Variants in LARS2 observed in about 807,000 individuals in gnomAD.
LARS2 encodes leucyl-tRNA synthetase 2, mitochondrial.
Under a neutral mutation model 116.6 loss-of-function variants are expected in LARS2, and 81 were observed. The observed-to-expected ratio is 0.69, with a 90% CI of 0.58 to 0.84. The LOEUF is 0.84. Among genes scored for constraint, LARS2 ranks in the 40% least tolerant of loss-of-function variants. The pLI, the probability that LARS2 is intolerant of heterozygous loss-of-function variation, is 0.00. For synonymous variants in LARS2, 396 were observed against 407.2 expected (o/e 0.97, Z 0.33); for missense variants, 968 against 1,114.5 (o/e 0.87, Z 1.87).
chr3:45,480,191 T>TCTGGAATAAACAAAAAAAAAC (rs1699674664), intron 10 of LARS2, among the ~76,000 whole-genome samples: 1 of 152,092 alleles, frequency 6.6e-6, no homozygotes, highest in East Asian at 1.9e-4. Context: ...GCTCAAAAAA[T>TCTGGAATAAACAAAAAAAAAC]CTGGAATAAA....
At chr3:45,547,311 GA>G (rs1249747584) in intron 21 of LARS2, 39 bp from the exon 22 acceptor site, 1 of 1,564,154 alleles carries the variant, frequency 6.4e-7, no homozygotes, top group African/African-American at 1.4e-5. Flanking sequence ...CCACTCTGAG[GA>G]TGTTCCTCAT....
At chr3:45,533,222 C>T (rs923059362) in intron 20 of LARS2, among the ~76,000 whole-genome samples, 6 of 127,890 alleles carry the variant, frequency 4.7e-5, no homozygotes, top group African/African-American at 1.8e-4. Flanking sequence ...GCGATCTCGG[C>T]TCACTGCAAG....
At chr3:45,520,337 G>C in intron 19 of LARS2, 41 bp downstream of exon 19, 1 of 1,534,772 alleles carries the variant, frequency 6.5e-7, no homozygotes, top group South Asian at 1.1e-5. Flanking sequence ...AGAGGAGGGA[G>C]GGAGAGGTGT....
intron 15 of LARS2, among the ~76,000 whole-genome samples, chr3:45,504,414 C>T (rs1419444477): frequency 2.0e-5 from 3 of 152,016 alleles, no homozygotes; most frequent in African/African-American, 7.2e-5. Context: ...TCTGCACATG[C>T]ATGCATGGAT....
At chr3:45,467,758 G>A (rs905070837) in intron 8 of LARS2, among the ~76,000 whole-genome samples, 5 of 152,168 alleles carry the variant, frequency 3.3e-5, no homozygotes, top group African/African-American at 1.2e-4. Context: ...TTGACCAATT[G>A]TGGGTAATTG....
chr3:45,470,010 G>A (rs755342635), intron 8 of LARS2, among the ~76,000 whole-genome samples: 11 of 152,122 alleles, frequency 7.2e-5, no homozygotes, highest in Non-Finnish European at 1.3e-4. Context: ...TCTCAAATCT[G>A]TGTCCAGCTC....
chr3:45,489,249 G>C (rs1699869989), intron 12 of LARS2, among the ~76,000 whole-genome samples: 1 of 152,136 alleles, frequency 6.6e-6, no homozygotes, highest in South Asian at 2.1e-4. Context: ...TCTCTTGCTA[G>C]CATGAAACAG....
chr3:45,545,219 C>A (rs1700858463), intron 21 of LARS2, among the ~76,000 whole-genome samples: 1 of 152,196 alleles, frequency 6.6e-6, no homozygotes, highest in African/African-American at 2.4e-5. Context: ...GAGAGCTCAG[C>A]AAATGGAAGC....
At chr3:45,518,598 C>T (rs1486683536) in intron 18 of LARS2, among the ~76,000 whole-genome samples, 1 of 152,168 alleles carries the variant, frequency 6.6e-6, no homozygotes, top group Non-Finnish European at 1.5e-5. Flanking sequence ...AATCCCAGTC[C>T]TCCACATAGT....
Position 45,409,477 on chromosome 3 carries a change from G to A in LARS2, c.364-8005G>A, listed in dbSNP as rs958495057. On this transcript the variant is annotated intron_variant, in intron 4 of 21. Transcript: ENST00000645846. The stretch of plus-strand genomic sequence containing the variant: ...GACATGTACAAGGCTGGCAAGGGAA[G>A]CACCTAACCCAGTGTATTTCACGTA... Among the ~76,000 whole-genome samples, 3 of 152,254 alleles carry A rather than the reference G, an allele frequency of 2.0e-5. No individual in the cohort carries two copies. The East Asian group carries it at 5.8e-4, about 29-fold the overall frequency.
At chr3:45,513,330 G>T in intron 16 of LARS2, 95 bp downstream of exon 16, 1 of 846,124 alleles carries the variant, frequency 1.2e-6, no homozygotes, top group Non-Finnish European at 2.0e-6. Flanking sequence ...CCTCTAGAGT[G>T]GGGAGGATGC....
intron 4 of LARS2, among the ~76,000 whole-genome samples, chr3:45,416,845 C>T (rs1324121037): frequency 1.3e-5 from 2 of 152,146 alleles, no homozygotes; most frequent in Non-Finnish European, 2.9e-5. Flanking sequence ...GAGGCCGATG[C>T]GGGCGGATCA....
At chr3:45,398,659 G>T (rs1002205198) in intron 3 of LARS2, among the ~76,000 whole-genome samples, 5 of 152,208 alleles carry the variant, frequency 3.3e-5, no homozygotes, top group African/African-American at 1.2e-4. Flanking sequence ...TTAAACTTGG[G>T]TGTGGGGAAC....
chr3:45,416,662 G>A (rs986246493), intron 4 of LARS2, among the ~76,000 whole-genome samples: 2 of 152,240 alleles, frequency 1.3e-5, no homozygotes, highest in Non-Finnish European at 2.9e-5. Context: ...CTGCACACTT[G>A]AAGGGTGGCT....
intron 19 of LARS2, among the ~76,000 whole-genome samples, 167 bp from the exon 20 acceptor site, chr3:45,523,830 G>A (rs984363738): frequency 3.3e-5 from 5 of 151,792 alleles, no homozygotes; most frequent in African/African-American, 1.2e-4. Flanking sequence ...GTTTATCTCA[G>A]TGCTATCATT....
intron 7 of LARS2, among the ~76,000 whole-genome samples, chr3:45,449,181 A>G (rs929316293): frequency 3.5e-5 from 3 of 84,702 alleles, no homozygotes; most frequent in African/African-American, 1.3e-4. Flanking sequence ...TTTTTTTTTG[A>G]GACAGAGTCT....
chr3:45,478,471 G>A (rs1446036360), intron 10 of LARS2, among the ~76,000 whole-genome samples: 1 of 152,150 alleles, frequency 6.6e-6, no homozygotes, highest in African/African-American at 2.4e-5. Context: ...TGAGATGAAA[G>A]GCACTGTATA....
chr3:45,430,213 C>T (rs1302342852), intron 6 of LARS2, among the ~76,000 whole-genome samples: 1 of 149,220 alleles, frequency 6.7e-6, no homozygotes, highest in Admixed American at 6.7e-5. Flanking sequence ...ACTTTGTGAT[C>T]CGCCCGCCTT....
intron 21 of LARS2, among the ~76,000 whole-genome samples, chr3:45,546,918 A>G (rs539103497): frequency 6.6e-6 from 1 of 152,308 alleles, no homozygotes; most frequent in South Asian, 2.1e-4. Flanking sequence ...CTTGAGACCT[A>G]GGTAAAATCT....
Sources: gnomAD v4.1 joint callset for allele counts (sites outside exome capture counted in the v4.1 genomes callset) on GRCh38, gnomAD v4.1.1 for gene constraint, MANE v1.5 for transcripts, NCBI Gene and HGNC (gene_info 2026-07-23, HGNC 2026-07-21) for gene names.